The following POU6F2 variants were observed in gnomAD, a reference collection of about 807,000 sequenced individuals.
The protein encoded by POU6F2 is POU domain, class 6, transcription factor 2.
POU6F2 carries 31 observed loss-of-function variants against 71.3 expected under a neutral mutation model. That is an observed-to-expected ratio of 0.43 (90% CI 0.33 to 0.59). The LOEUF (loss-of-function observed/expected upper bound fraction) is 0.59. Ranked by LOEUF, POU6F2 falls within the 20% of genes least tolerant of loss-of-function variation. The pLI, the probability that POU6F2 is intolerant of heterozygous loss-of-function variation, is 0.04. For synonymous variants in POU6F2, 347 were observed against 355.7 expected (o/e 0.98, Z 0.27); for missense variants, 783 against 856.8 (o/e 0.91, Z 1.07).
Position 39,013,761 on chromosome 7 carries a change from GGAGTGGAGCTGCTGTAAGTCAAT to G in POU6F2, c.105+35712_105+35734del, listed in dbSNP as rs1297542209. 2.1e-3 allele frequency among the ~76,000 whole-genome samples: 314 copies of G among 152,290 alleles called. 1 individual carries two copies. The highest frequency in any genetic ancestry group is 7.1e-3 in the African/African-American group (296 of 41,556). On this transcript the variant is annotated intron_variant, in intron 1 of 9. Coordinates refer to ENST00000518318, the MANE Select transcript of POU6F2 (RefSeq NM_001370959.1). Reference sequence around the variant, plus strand: ...ACGGCATTTGTCTATAAACACCAAGGGAGTGGAGCTGCTGTAAGTCAATGAGTGGAGGAAATAGTTGTAATATG... The same window carrying G: ...ACGGCATTTGTCTATAAACACCAAGGGAGTGGAGGAAATAGTTGTAATATG...
chr7:39,271,942 A>G lies in POU6F2; in HGVS notation c.598+64322A>G, dbSNP rs553861325. Among the ~76,000 whole-genome samples the G allele has an allele frequency of 1.3e-4, 20 of 151,294 alleles. 1 individual carries two copies. The highest frequency in any genetic ancestry group is 9.9e-4 in the Admixed American group (15 of 15,206). ...CTGATCCAGCAAAAGGCTGGGTTCC[A>G]TGGGATCCATACGGTTATGAAGAGG... On this transcript the variant is annotated intron_variant, in intron 4 of 9. Transcript: ENST00000518318.
intron 4 of POU6F2, among the ~76,000 whole-genome samples, chr7:39,286,871 T>C (rs1298120208): frequency 6.6e-6 from 1 of 151,584 alleles, no homozygotes; most frequent in Non-Finnish European, 1.5e-5. Flanking sequence ...CAAGGGATCC[T>C]CCCACCTCGT....
intron 2 of POU6F2, among the ~76,000 whole-genome samples, chr7:39,131,814 C>T (rs1305185947): frequency 6.6e-6 from 1 of 151,728 alleles, no homozygotes; most frequent in Non-Finnish European, 1.5e-5. Context: ...GCTTCCCTTC[C>T]GATGAGAGGC....
intron 2 of POU6F2, among the ~76,000 whole-genome samples, chr7:39,197,039 G>T (rs1793802066): frequency 6.6e-6 from 1 of 152,188 alleles, no homozygotes; most frequent in Non-Finnish European, 1.5e-5. Flanking sequence ...TCACCATCCT[G>T]AATTTCTTTA....
intron 6 of POU6F2, among the ~76,000 whole-genome samples, chr7:39,425,849 G>A (rs1318195080): frequency 6.6e-6 from 1 of 152,134 alleles, no homozygotes; most frequent in Non-Finnish European, 1.5e-5. Flanking sequence ...ATATTTGAGA[G>A]CAAGGCAGCC....
rs2116195853 is a variant in POU6F2, at chr7:39,468,530, T to C, written c.*3844T>C. On this transcript the variant is annotated 3_prime_UTR_variant, in exon 10 of 10. Transcript: ENST00000518318. ...GTATGGTCAGTAAAGCTGCACTTTG[T>C]GTATTTCTTAACAGCTTCAGATCTG... 6.6e-6 allele frequency: 1 copy of C among 152,282 alleles called. No individual in the cohort carries two copies. Among genetic ancestry groups the C allele is most frequent in the Non-Finnish European group, 1.5e-5 (1 of 68,024 alleles). The allele number at this position is 152,282 out of a possible 1,614,324, so 9.4% of individuals were successfully genotyped here.
At chr7:39,071,654 A>AACAC (rs10522287) in intron 1 of POU6F2, among the ~76,000 whole-genome samples, 5,439 of 141,860 alleles carry the variant, frequency 0.038, 144 homozygotes, top group Admixed American at 0.055. Flanking sequence ...TCTCTAAAGA[A>AACAC]ACACACACAC....
intron 7 of POU6F2, among the ~76,000 whole-genome samples, chr7:39,444,105 G>A (rs186056971): frequency 6.6e-6 from 1 of 152,322 alleles, no homozygotes. Flanking sequence ...ATCTAAGAAT[G>A]TAGTATCCAA....
At chr7:39,089,333 A>T (rs1791317140) in intron 2 of POU6F2, among the ~76,000 whole-genome samples, 1 of 152,126 alleles carries the variant, frequency 6.6e-6, no homozygotes, top group East Asian at 1.9e-4. Context: ...CTAAGCTCTG[A>T]GCTGTAAGAA....
At chr7:39,111,614 A>T (rs779040459) in intron 2 of POU6F2, among the ~76,000 whole-genome samples, 4 of 151,866 alleles carry the variant, frequency 2.6e-5, no homozygotes, top group Non-Finnish European at 5.9e-5. Context: ...ATATAGGTAC[A>T]GATAAAAAAT....
chr7:39,044,769 G>T (rs933147053), intron 1 of POU6F2, among the ~76,000 whole-genome samples: 4 of 151,880 alleles, frequency 2.6e-5, no homozygotes, highest in Non-Finnish European at 5.9e-5. Flanking sequence ...GAAAAAACAT[G>T]TTCAAGTTAG....
intron 6 of POU6F2, among the ~76,000 whole-genome samples, chr7:39,415,488 A>G (rs1002518651): frequency 5.3e-5 from 8 of 152,218 alleles, no homozygotes; most frequent in Non-Finnish European, 1.2e-4. Flanking sequence ...ATAATTCTAA[A>G]CAGGTACTAC....
Position 39,460,163 on chromosome 7 carries a change from C to T in POU6F2, c.1490-384C>T, listed in dbSNP as rs1403272172. Among the ~76,000 whole-genome samples the T allele has an allele frequency of 1.3e-5, 2 of 152,166 alleles. No homozygotes were observed. Among genetic ancestry groups the T allele is most frequent in the African/African-American group, 2.4e-5 (1 of 41,432 alleles). The stretch of plus-strand genomic sequence containing the variant: ...CTAATTAAAACATTTCAAATGGAAA[C>T]CTTTCCCTTTTTATATTTTTGCACA... On this transcript the variant is annotated intron_variant, in intron 8 of 9. Transcript: ENST00000518318. The surrounding 1 kb of genome is among the most constrained non-coding windows in gnomAD (Gnocchi z 4.4).
chr7:39,419,803 C>T (rs1562544976), intron 6 of POU6F2, among the ~76,000 whole-genome samples: 1 of 152,160 alleles, frequency 6.6e-6, no homozygotes. Context: ...GTCAGCTGCC[C>T]ACACATTAGT....
chr7:39,204,215 A>G lies in POU6F2; in HGVS notation c.278-20A>G. 1 of 1,598,628 alleles carries G rather than the reference A, an allele frequency of 6.3e-7. No individual in the cohort carries two copies. The highest frequency in any genetic ancestry group is 8.6e-7 in the Non-Finnish European group (1 of 1,166,646). ...AAGCTGGATCATATATTAAGGGAGTATTTCTCTTTTGAATTCCAGGGGCTA... is the reference window on the plus strand; with the variant it reads ...AAGCTGGATCATATATTAAGGGAGTGTTTCTCTTTTGAATTCCAGGGGCTA... On this transcript the variant is annotated intron_variant, in intron 2 of 9. Transcript: ENST00000518318.
chr7:39,066,764 A>T (rs982449079), intron 1 of POU6F2, among the ~76,000 whole-genome samples: 2 of 150,672 alleles, frequency 1.3e-5, no homozygotes, highest in Non-Finnish European at 3.0e-5. Flanking sequence ...TCTAAAGTTC[A>T]TCTGGGAAAT....
chr7:39,294,876 G>A (rs1784819027), intron 4 of POU6F2, among the ~76,000 whole-genome samples: 1 of 152,118 alleles, frequency 6.6e-6, no homozygotes, highest in Non-Finnish European at 1.5e-5. Context: ...TTGCTGGACT[G>A]AGCCCACAAC....
chr7:39,300,528 C>T (rs762473749), intron 4 of POU6F2, among the ~76,000 whole-genome samples: 18 of 152,180 alleles, frequency 1.2e-4, no homozygotes, highest in Non-Finnish European at 1.9e-4. Flanking sequence ...AACAAAGTAC[C>T]GCAGACTGGG....
chr7:39,109,833 G>A (rs1322580454), intron 2 of POU6F2, among the ~76,000 whole-genome samples: 1 of 152,296 alleles, frequency 6.6e-6, no homozygotes, highest in African/African-American at 2.4e-5. Context: ...GTAGATCGAA[G>A]TAGCTCTTGA....
Sources: allele counts gnomAD v4.1 joint callset (sites outside exome capture counted in the v4.1 genomes callset), GRCh38; gene constraint gnomAD v4.1.1; non-coding constraint Gnocchi (gnomAD v3.1); transcripts MANE v1.5; gene names NCBI Gene and HGNC (gene_info 2026-07-23, HGNC 2026-07-21).